Variants in DPP10 observed in about 807,000 individuals in gnomAD.
DPP10 encodes dipeptidyl peptidase like 10.
Under a neutral mutation model 120.9 loss-of-function variants are expected in DPP10, and 33 were observed. That is an observed-to-expected ratio of 0.27 (90% CI 0.21 to 0.37). DPP10 has a LOEUF of 0.37. DPP10 is among the 10% of genes least tolerant of loss of function. The probability of loss-of-function intolerance (pLI) is 1.00; values close to 1 mark genes in which losing one functional copy is unlikely to be tolerated. For synonymous variants in DPP10, 337 were observed against 326.1 expected (o/e 1.03, Z -0.36); for missense variants, 816 against 942.8 (o/e 0.87, Z 1.76).
At chr2:115,418,615 T>A (rs1009281273) in intron 3 of DPP10, among the ~76,000 whole-genome samples, 4 of 151,834 alleles carry the variant, frequency 2.6e-5, no homozygotes, top group South Asian at 2.1e-4. Flanking sequence ...ATATTTATTT[T>A]TTTTTAATTA....
At chr2:115,686,063 A>G (rs1276112609) in intron 5 of DPP10, among the ~76,000 whole-genome samples, 3 of 152,026 alleles carry the variant, frequency 2.0e-5, no homozygotes, top group Non-Finnish European at 4.4e-5. Context: ...CTAAGGTTGA[A>G]CGAGGTGACA....
intron 5 of DPP10, among the ~76,000 whole-genome samples, chr2:115,581,712 C>G (rs2082012346): frequency 6.6e-6 from 1 of 152,080 alleles, no homozygotes; most frequent in African/African-American, 2.4e-5. Context: ...ACCCCCTGGT[C>G]ATTTGGGGAC....
intron 5 of DPP10, among the ~76,000 whole-genome samples, chr2:115,684,341 T>A (rs1575520507): frequency 6.6e-6 from 1 of 151,836 alleles, no homozygotes; most frequent in African/African-American, 2.4e-5. Flanking sequence ...AAGATAAATC[T>A]TTTGAAACGA....
At chr2:114,585,781 C>T (rs1219846605) in intron 1 of DPP10, among the ~76,000 whole-genome samples, 2 of 152,136 alleles carry the variant, frequency 1.3e-5, no homozygotes, top group African/African-American at 2.4e-5. Flanking sequence ...AACTTGATGT[C>T]CCTAGAAGGT....
intron 1 of DPP10, among the ~76,000 whole-genome samples, chr2:114,773,009 A>T (rs1553424355): frequency 6.6e-6 from 1 of 152,188 alleles, no homozygotes; most frequent in Non-Finnish European, 1.5e-5. Flanking sequence ...GGTCACTTCA[A>T]TTCTCAAAGC....
chr2:115,436,560 C>T (rs2071513142), intron 3 of DPP10, among the ~76,000 whole-genome samples: 1 of 151,770 alleles, frequency 6.6e-6, no homozygotes, highest in Admixed American at 6.6e-5. Context: ...TAAGCACACT[C>T]ATTAGAACTC....
intron 1 of DPP10, among the ~76,000 whole-genome samples, chr2:114,642,294 C>G (rs1476550527): frequency 6.6e-6 from 1 of 151,852 alleles, no homozygotes; most frequent in Non-Finnish European, 1.5e-5. Context: ...TCCACATTTA[C>G]AAGACAGGAA....
At chr2:115,490,013 C>G (rs536783462) in intron 3 of DPP10, among the ~76,000 whole-genome samples, 7 of 152,236 alleles carry the variant, frequency 4.6e-5, no homozygotes, top group Admixed American at 2.6e-4. Context: ...TTAACTCTTG[C>G]AACCAATTAC....
chr2:114,649,175 A>G (rs530151817), intron 1 of DPP10, among the ~76,000 whole-genome samples: 1 of 152,332 alleles, frequency 6.6e-6, no homozygotes, highest in Non-Finnish European at 1.5e-5. Flanking sequence ...TGTTATTAAC[A>G]TATTCTTTGC....
At chr2:114,762,145 T>C (rs1227145596) in intron 1 of DPP10, among the ~76,000 whole-genome samples, 1 of 152,222 alleles carries the variant, frequency 6.6e-6, no homozygotes. Context: ...TTAGCTTTAA[T>C]TACATGGTTT....
Position 114,785,264 on chromosome 2 carries a change from T to C in DPP10, c.60+342426T>C, listed in dbSNP as rs1415480787. On this transcript the variant is annotated intron_variant, in intron 1 of 25. Transcript: ENST00000410059. ...TGCTTTGCTGGATTTTTTTTTTTTC[T>C]TGAAATTTTCCTTCTCACACTGCTG... is the stretch of plus-strand genomic sequence containing the variant. 8.0e-5 allele frequency among the ~76,000 whole-genome samples: 12 copies of C among 149,952 alleles called. 1 individual carries two copies. Among genetic ancestry groups the C allele is most frequent in the Admixed American group, 6.0e-4 (9 of 15,004 alleles).
At chr2:115,639,170 C>A (rs542537617) in intron 5 of DPP10, among the ~76,000 whole-genome samples, 28 of 152,284 alleles carry the variant, frequency 1.8e-4, no homozygotes, top group Non-Finnish European at 3.7e-4. Context: ...TTGCTGGGTA[C>A]CCCTCTACGT....
chr2:115,616,114 C>T (rs1438696051), intron 5 of DPP10, among the ~76,000 whole-genome samples: 7 of 152,038 alleles, frequency 4.6e-5, no homozygotes, highest in Non-Finnish European at 8.8e-5. Flanking sequence ...GGGACATTAG[C>T]TTCATTTTAT....
chr2:114,713,999 A>T (rs547718857), intron 1 of DPP10, among the ~76,000 whole-genome samples: 27 of 151,338 alleles, frequency 1.8e-4, no homozygotes, highest in African/African-American at 5.5e-4. Flanking sequence ...AAAAAAGAAA[A>T]AAATAAAATA....
intron 12 of DPP10, among the ~76,000 whole-genome samples, chr2:115,763,659 C>G (rs1680368353): frequency 6.6e-6 from 1 of 152,130 alleles, no homozygotes; most frequent in South Asian, 2.1e-4. Context: ...CAAGTCTCAA[C>G]CCCTCAGGCA....
At chr2:115,480,376 C>G (rs1196257222) in intron 3 of DPP10, among the ~76,000 whole-genome samples, 4 of 151,880 alleles carry the variant, frequency 2.6e-5, no homozygotes, top group African/African-American at 4.8e-5. Context: ...GAATTTTTTT[C>G]TTACTGACTA....
chr2:115,704,744 A>C (rs1389286842), intron 7 of DPP10, among the ~76,000 whole-genome samples: 1 of 152,000 alleles, frequency 6.6e-6, no homozygotes, highest in Non-Finnish European at 1.5e-5. Flanking sequence ...AGAGGCCATC[A>C]TTATAATCTG....
chr2:115,770,349 A>G (rs1681310474), intron 13 of DPP10, among the ~76,000 whole-genome samples: 1 of 152,128 alleles, frequency 6.6e-6, no homozygotes, highest in Non-Finnish European at 1.5e-5. Context: ...TGAAATGTTC[A>G]GAAGAAAAAC....
At chr2:114,592,662 C>T (rs780051890) in intron 1 of DPP10, among the ~76,000 whole-genome samples, 4 of 151,722 alleles carry the variant, frequency 2.6e-5, no homozygotes, top group Non-Finnish European at 5.9e-5. Context: ...AACTCTTCCC[C>T]CTGAAAAAAA....
Sources: allele counts gnomAD v4.1 joint callset (sites outside exome capture counted in the v4.1 genomes callset), GRCh38; gene constraint gnomAD v4.1.1; transcripts MANE v1.5; gene names NCBI Gene and HGNC (gene_info 2026-07-23, HGNC 2026-07-21).